Variants in GALNT14 observed in about 807,000 individuals in gnomAD.
GALNT14 encodes UDP-GalNAc:polypeptide N-acetylgalactosaminyltransferase 14.
In GALNT14, 60 loss-of-function variants were observed where a neutral mutation model predicts 77.5. The ratio of observed to expected loss-of-function variants is 0.77; its 90% CI spans 0.63 to 0.96. The LOEUF (loss-of-function observed/expected upper bound fraction) is 0.96. GALNT14 is among the 40% of genes least tolerant of loss of function. The pLI, the probability that GALNT14 is intolerant of heterozygous loss-of-function variation, is 0.00. For missense variants in GALNT14, 710 were observed against 731.0 expected (o/e 0.97, Z 0.33); for synonymous variants, 280 against 281.7 (o/e 0.99, Z 0.06).
At chr2:30,947,874 A>G (rs990796558) in intron 6 of GALNT14, among the ~76,000 whole-genome samples, 1 of 152,168 alleles carries the variant, frequency 6.6e-6, no homozygotes, top group African/African-American at 2.4e-5. Flanking sequence ...GTGCCTCTGA[A>G]AACCAATTGG....
intron 1 of GALNT14, among the ~76,000 whole-genome samples, chr2:31,050,213 A>T (rs1391817683): frequency 6.6e-6 from 1 of 152,234 alleles, no homozygotes; most frequent in Non-Finnish European, 1.5e-5. Flanking sequence ...AACCTGAAGC[A>T]TCAGCAACAG....
chr2:30,953,662 T>C, intron 6 of GALNT14, among the ~76,000 whole-genome samples: 1 of 152,184 alleles, frequency 6.6e-6, no homozygotes, highest in East Asian at 1.9e-4. Context: ...TCACTTATAC[T>C]GTGCTTCCCT....
intron 2 of GALNT14, among the ~76,000 whole-genome samples, chr2:30,979,576 A>G (rs1668859858): frequency 6.6e-6 from 1 of 152,130 alleles, no homozygotes; most frequent in Admixed American, 6.5e-5. Flanking sequence ...TGGATAATAC[A>G]ATAAAGTTTC....
At chr2:30,918,967 A>T (rs963707756) in intron 13 of GALNT14, among the ~76,000 whole-genome samples, 1 of 152,162 alleles carries the variant, frequency 6.6e-6, no homozygotes, top group Non-Finnish European at 1.5e-5. Context: ...CACCAGTGCC[A>T]GTCCAGATTA....
At chr2:30,989,824 A>G (rs1287953073) in intron 2 of GALNT14, among the ~76,000 whole-genome samples, 7 of 151,206 alleles carry the variant, frequency 4.6e-5, no homozygotes, top group African/African-American at 1.7e-4. Flanking sequence ...CAGAGAAGCT[A>G]GGCAACTTTA....
At chr2:31,018,381 G>T (rs1671512029) in intron 1 of GALNT14, among the ~76,000 whole-genome samples, 1 of 152,236 alleles carries the variant, frequency 6.6e-6, no homozygotes, top group Non-Finnish European at 1.5e-5. Flanking sequence ...GGGCTAGGGA[G>T]GTCTCAAGAA....
intron 12 of GALNT14, among the ~76,000 whole-genome samples, 185 bp downstream of exon 12, chr2:30,924,555 T>G (rs1665241444): frequency 6.6e-6 from 1 of 152,278 alleles, no homozygotes; most frequent in Admixed American, 6.5e-5. Context: ...TAATCCTTCA[T>G]GCTATTGATT....
intron 1 of GALNT14, among the ~76,000 whole-genome samples, chr2:31,006,527 G>C (rs888612542): frequency 6.6e-6 from 1 of 152,048 alleles, no homozygotes; most frequent in Admixed American, 6.6e-5. Context: ...AGTCAGTGGA[G>C]GTGCTGGGAT....
At chr2:30,907,438 G>A (rs548282066), downstream of GALNT14, among the ~76,000 whole-genome samples, 8 of 152,290 alleles carry the variant, frequency 5.3e-5, no homozygotes, top group South Asian at 2.1e-4. Flanking sequence ...AGAACTCTAC[G>A]CCAATAAACT....
intron 1 of GALNT14, among the ~76,000 whole-genome samples, chr2:31,063,469 A>G (rs1161736139): frequency 6.6e-6 from 1 of 152,262 alleles, no homozygotes. Context: ...GTAATCTTGT[A>G]GTATAGTTTG....
chr2:30,958,493 TG>T (rs1466460442), intron 3 of GALNT14, 29 bp from the exon 4 acceptor site: 1 of 1,597,498 alleles, frequency 6.3e-7, no homozygotes, highest in East Asian at 2.2e-5. Flanking sequence ...AAAAAATCAC[TG>T]GAACTTCTAG....
intron 2 of GALNT14, among the ~76,000 whole-genome samples, chr2:30,984,219 C>T (rs1669159494): frequency 6.6e-6 from 1 of 152,226 alleles, no homozygotes; most frequent in African/African-American, 2.4e-5. Context: ...CCAATGTCCC[C>T]ACCCTGAGGA....
At chr2:30,890,317 G>A in the GALNT14 span, among the ~76,000 whole-genome samples, 12 of 152,274 alleles carry the variant, frequency 7.9e-5, no homozygotes, top group South Asian at 6.2e-4. Flanking sequence ...TGAGAAACGC[G>A]AAGAAATCAG....
intron 2 of GALNT14, among the ~76,000 whole-genome samples, chr2:30,978,651 ACC>A (rs1462769442): frequency 8.7e-4 from 133 of 152,316 alleles, no homozygotes; most frequent in African/African-American, 3.1e-3. Context: ...TCACTCGCTC[ACC>A]GGCACCTGCA....
the GALNT14 span, among the ~76,000 whole-genome samples, chr2:30,892,771 C>A: frequency 6.6e-6 from 1 of 152,180 alleles, no homozygotes; most frequent in African/African-American, 2.4e-5. Context: ...GATATCCTGA[C>A]TTCTCCCACT....
intron 6 of GALNT14, among the ~76,000 whole-genome samples, chr2:30,946,950 T>C (rs1666733426): frequency 1.3e-5 from 2 of 152,122 alleles, no homozygotes; most frequent in African/African-American, 4.8e-5. Flanking sequence ...CACTGTCTTC[T>C]CCCCAAACAT....
chr2:31,054,713 A>G (rs1487457164), intron 1 of GALNT14, among the ~76,000 whole-genome samples: 1 of 152,220 alleles, frequency 6.6e-6, no homozygotes, highest in East Asian at 1.9e-4. Flanking sequence ...CTTATCCTTG[A>G]TAAAGTCCCA....
intron 2 of GALNT14, 105 bp downstream of exon 2, chr2:30,992,733 A>G (rs1669782357): frequency 1.1e-5 from 15 of 1,317,470 alleles, no homozygotes; most frequent in Non-Finnish European, 1.6e-5. Flanking sequence ...CAGATGGTCC[A>G]GCCCGGTTCT....
intron 2 of GALNT14, among the ~76,000 whole-genome samples, chr2:30,969,419 TG>T (rs1668206349): frequency 6.6e-6 from 1 of 151,964 alleles, no homozygotes; most frequent in South Asian, 2.1e-4. Context: ...AGGGGCAAGT[TG>T]GGGAGGGAGG....
Sources: gnomAD v4.1 joint callset for allele counts (sites outside exome capture counted in the v4.1 genomes callset) on GRCh38, gnomAD v4.1.1 for gene constraint, MANE v1.5 for transcripts, NCBI Gene and HGNC (gene_info 2026-07-23, HGNC 2026-07-21) for gene names.